NIPA1: variants seen among roughly 807,000 people sequenced by gnomAD.
NIPA1 encodes the protein magnesium transporter NIPA1.
Under a neutral mutation model 23.9 loss-of-function variants are expected in NIPA1, and 13 were observed. That is an observed-to-expected ratio of 0.54 (90% CI 0.35 to 0.87). NIPA1 has a LOEUF of 0.87. NIPA1 is among the 40% of genes least tolerant of loss of function. The pLI is 0.01. For synonymous variants in NIPA1, 234 were observed against 202.9 expected (o/e 1.15, Z -1.30); for missense variants, 362 against 429.7 (o/e 0.84, Z 1.39).
intron 2 of NIPA1, 124 bp from the exon 3 acceptor site, chr15:22,812,039 A>G: frequency 1.3e-6 from 1 of 778,086 alleles, no homozygotes; most frequent in Non-Finnish European, 2.2e-6. Context: ...CCCAGATGTG[A>G]TTCTTCACAA....
At chr15:22,788,773 G>A (rs1311199200) in intron 1 of NIPA1, among the ~76,000 whole-genome samples, 1 of 150,420 alleles carries the variant, frequency 6.6e-6, no homozygotes, top group Non-Finnish European at 1.5e-5. Context: ...AACATGATAA[G>A]CTGGGTGCAG....
At chr15:22,821,893 G>A (rs1366212666) in intron 4 of NIPA1, among the ~76,000 whole-genome samples, 1 of 152,160 alleles carries the variant, frequency 6.6e-6, no homozygotes, top group Non-Finnish European at 1.5e-5. Context: ...TCAATTTAAT[G>A]CCCTAACTGT....
chr15:22,824,378 G>T lies in NIPA1; in HGVS notation c.*139G>T. The T allele has an allele frequency of 1.2e-6, 1 of 822,698 alleles. No individual in the cohort carries two copies. Among genetic ancestry groups the T allele is most frequent in the East Asian group, 2.5e-5 (1 of 39,216 alleles). The allele number at this position is 822,698 out of a possible 1,614,324, so 51.0% of individuals were successfully genotyped here. ...GTAACAGGTGGTCTGGTGGATAGCG[G>T]GGAGCATGGCTCAGCACCAGAGCAG... On this transcript the variant is annotated 3_prime_UTR_variant, in exon 5 of 5. Transcript: ENST00000337435. This position sits in a 1 kb window ranked among gnomAD's most constrained non-coding sequence, Gnocchi z 4.1.
At position 22,824,308 on chromosome 15, in the gene NIPA1, G is replaced by A; in HGVS notation, c.*69G>A. 7.7e-7 allele frequency: 1 copy of A among 1,291,022 alleles called. No individual in the cohort carries two copies. Among genetic ancestry groups the A allele is most frequent in the South Asian group, 1.2e-5 (1 of 83,946 alleles). 80.0% of individuals were successfully genotyped at this position (1,291,022 alleles called of 1,614,324 possible). A position where few individuals can be genotyped will look rare whatever the true frequency, so the allele number is the denominator to read the frequency against. The stretch of plus-strand genomic sequence containing the variant: ...GTGGTTTCTGGCCGTGATTGGATGT[G>A]AAGTAGAAGAGGTCCTCGATCATGG... On this transcript the variant is annotated 3_prime_UTR_variant, in exon 5 of 5. Transcript: ENST00000337435. The surrounding 1 kb of genome is among the most constrained non-coding windows in gnomAD (Gnocchi z 4.1).
chr15:22,824,438 C>A lies in NIPA1; in HGVS notation c.*199C>A. On this transcript the variant is annotated 3_prime_UTR_variant, in exon 5 of 5. Transcript: ENST00000337435. The surrounding 1 kb of genome is among the most constrained non-coding windows in gnomAD (Gnocchi z 4.1). ...CAGCCCTCTGCAGCCCAAACGTCCC[C>A]AACGGTTGCCTGGCACCATCTCTCT... 1.7e-6 allele frequency: 1 copy of A among 598,860 alleles called. No individual in the cohort carries two copies. The highest frequency in any genetic ancestry group is 3.0e-6 in the Non-Finnish European group (1 of 334,364). The allele number at this position is 598,860 out of a possible 1,614,324, so 37.1% of individuals were successfully genotyped here. A position where few individuals can be genotyped will look rare whatever the true frequency, so the allele number is the denominator to read the frequency against.
At chr15:22,818,482 A>C (rs1895469987) in intron 3 of NIPA1, among the ~76,000 whole-genome samples, 2 of 151,690 alleles carry the variant, frequency 1.3e-5, no homozygotes, top group Admixed American at 1.3e-4. Flanking sequence ...ATCAGTAAAA[A>C]GTCAGATAAC....
intron 2 of NIPA1, 57 bp downstream of exon 2, chr15:22,810,853 T>A: frequency 3.0e-6 from 4 of 1,352,926 alleles, no homozygotes; most frequent in Non-Finnish European, 4.3e-6. Flanking sequence ...CCATCACTGG[T>A]CTGGGCAGGG....
rs1228496868 is a variant in NIPA1 at position 22,786,700 on chromosome 15, C to T, written c.44C>T (p.Ala15Val). ...GCAGCGGCGGCGGCGGCGGCGGCGG[C>T]GGCCGGGGAGGGGGCGCGTAGCCCG... ...AAAAAAAAAA[A>V]AGEGARSPSP... Residue 15 changes from alanine (A) to valine (V), a missense_variant, in exon 1 of 5, where the codon GCG (alanine) becomes GTG (valine). Ala to Val is a moderately conservative substitution (Grantham distance 64). Transcript: ENST00000337435. 3 of 1,131,048 alleles carry T rather than the reference C, an allele frequency of 2.7e-6. No homozygotes were observed. The highest frequency in any genetic ancestry group is 6.2e-5 in the East Asian group (1 of 16,246). The allele number at this position is 1,131,048 out of a possible 1,614,324, so 70.1% of individuals were successfully genotyped here. A position where few individuals can be genotyped will look rare whatever the true frequency, so the allele number is the denominator to read the frequency against.
At chr15:22,817,694 A>T (rs1179563864) in intron 3 of NIPA1, among the ~76,000 whole-genome samples, 2 of 151,578 alleles carry the variant, frequency 1.3e-5, no homozygotes, top group Non-Finnish European at 2.9e-5. Flanking sequence ...AGTCCCAGCT[A>T]CTCGGGAGGC....
rs150900309 is a variant in NIPA1 at position 22,820,427 on chromosome 15, G to A, written c.432G>A (p.Glu144=). ...TGATTATCCACTCCCCAAAGTCTGA[G>A]AGTGTGACAACTCAGGCTGAGCTGG... ...VVLIIHSPKS[E]SVTTQAELEE... is the part of the protein sequence containing the mutation. The change falls in exon 4 of 5, where the codon GAG becomes GAA. Residue 144 remains glutamate (E), a synonymous_variant. Coordinates refer to ENST00000337435, the MANE Select transcript of NIPA1 (RefSeq NM_144599.5). 6.2e-7 allele frequency: 1 copy of A among 1,613,346 alleles called. No homozygotes were observed. Among genetic ancestry groups the A allele is most frequent in the Admixed American group, 1.7e-5 (1 of 60,018 alleles).
chr15:22,815,210 C>G (rs77203561), intron 3 of NIPA1, among the ~76,000 whole-genome samples: 2,980 of 152,208 alleles, frequency 0.02, 77 homozygotes, highest in East Asian at 0.12. Flanking sequence ...TCCAAATAAC[C>G]ACAGTACAGT....
At chr15:22,799,282 A>G (rs7182217) in intron 1 of NIPA1, among the ~76,000 whole-genome samples, 22,405 of 152,158 alleles carry the variant, frequency 0.15, 2,031 homozygotes, top group African/African-American at 0.25. Flanking sequence ...TCACAGCAAC[A>G]TGGATGGAGC....
chr15:22,801,579 G>A (rs1217408034), intron 1 of NIPA1, among the ~76,000 whole-genome samples: 1 of 140,480 alleles, frequency 7.1e-6, no homozygotes, highest in Non-Finnish European at 1.5e-5. Context: ...GCAGTGGCAT[G>A]ATCTCGGCTC....
intron 1 of NIPA1, among the ~76,000 whole-genome samples, chr15:22,799,571 A>G (rs367804755): frequency 6.6e-6 from 1 of 152,046 alleles, no homozygotes; most frequent in South Asian, 2.1e-4. Flanking sequence ...TCACGAGGTC[A>G]GGAGATCGAG....
chr15:22,806,757 G>A (rs1895219872), intron 1 of NIPA1, among the ~76,000 whole-genome samples: 1 of 152,152 alleles, frequency 6.6e-6, no homozygotes, highest in African/African-American at 2.4e-5. Flanking sequence ...GACGGGCCAA[G>A]GGCTAATATG....
intron 3 of NIPA1, chr15:22,819,467 G>C (rs750062634): frequency 1.3e-5 from 2 of 152,166 alleles, no homozygotes; most frequent in Non-Finnish European, 2.9e-5. Context: ...AGGGAAATAA[G>C]AGAAGAAACA....
intron 3 of NIPA1, chr15:22,814,022 T>G: frequency 1.2e-6 from 1 of 814,614 alleles, no homozygotes; most frequent in South Asian, 1.4e-5. Context: ...TTAGAACTGT[T>G]CTCATGCACT....
intron 4 of NIPA1, 108 bp from the exon 5 acceptor site, chr15:22,823,620 G>A: frequency 9.1e-7 from 1 of 1,099,228 alleles, no homozygotes; most frequent in South Asian, 1.3e-5. Flanking sequence ...CCGCAGTAGA[G>A]GCCGGTGGCG....
At chr15:22,822,685 C>T (rs541022813) in intron 4 of NIPA1, among the ~76,000 whole-genome samples, 7 of 152,002 alleles carry the variant, frequency 4.6e-5, no homozygotes, top group African/African-American at 1.2e-4. Flanking sequence ...AATAGCCAGG[C>T]GTGGTGGCGG....
Sources: gnomAD v4.1 joint callset for allele counts (sites outside exome capture counted in the v4.1 genomes callset) on GRCh38, gnomAD v4.1.1 for gene constraint, Gnocchi (gnomAD v3.1) non-coding constraint, MANE v1.5 for transcripts, NCBI Gene and HGNC (gene_info 2026-07-23, HGNC 2026-07-21) for gene names.